Variants in DNAH3 observed in about 807,000 individuals in gnomAD.
DNAH3 encodes the protein axonemal beta dynein heavy chain 3.
In DNAH3, 332 loss-of-function variants were observed where a neutral mutation model predicts 432.5. The ratio of observed to expected loss-of-function variants is 0.77; its 90% CI spans 0.70 to 0.84. The LOEUF (loss-of-function observed/expected upper bound fraction) is 0.84. Among genes scored for constraint, DNAH3 ranks in the 40% least tolerant of loss-of-function variants. The probability of loss-of-function intolerance (pLI) is 0.00; values close to 1 mark genes in which losing one functional copy is unlikely to be tolerated. For synonymous variants in DNAH3, 1,956 were observed against 1,900.2 expected (o/e 1.03, Z -0.76); for missense variants, 4,861 against 5,114.0 (o/e 0.95, Z 1.51).
At chr16:21,142,451 A>C (rs1245872489) in intron 3 of DNAH3, among the ~76,000 whole-genome samples, 1 of 152,212 alleles carries the variant, frequency 6.6e-6, no homozygotes, top group African/African-American at 2.4e-5. Context: ...AAGAAATTTT[A>C]TGATTATCAC....
chr16:21,023,327 G>T (rs2088351996), intron 39 of DNAH3, among the ~76,000 whole-genome samples: 1 of 152,118 alleles, frequency 6.6e-6, no homozygotes, highest in Admixed American at 6.5e-5. Flanking sequence ...GAGGGTCAGG[G>T]AAGACAAACA....
At chr16:21,065,192 GCT>G (rs1294837425) in intron 24 of DNAH3, among the ~76,000 whole-genome samples, 2 of 151,766 alleles carry the variant, frequency 1.3e-5, no homozygotes, top group Non-Finnish European at 2.9e-5. Context: ...AGAGAGTCTC[GCT>G]CTGTCACCCA....
rs780174422 is a variant in DNAH3 at position 20,954,866 on chromosome 16, C to T, written c.11018G>A (p.Gly3673Asp). ...AACAACGGCGTGGAAGAAACAAAGG[C>T]CAAATAACATCTTTTGCCACATCAC... Residue 3673 changes from glycine to aspartate, a missense_variant, in exon 55 of 62, where the codon GGC (glycine) becomes GAC (aspartate). Gly to Asp is a moderately conservative substitution (Grantham distance 94). Coordinates refer to ENST00000261383, the Ensembl canonical transcript of DNAH3. 23 of 1,613,988 alleles carry T rather than the reference C, an allele frequency of 1.4e-5. No homozygotes were observed. The East Asian group carries it at 2.5e-4, about 17-fold the overall frequency.
chr16:21,022,397 G>A (rs1192498118), intron 39 of DNAH3, among the ~76,000 whole-genome samples: 1 of 152,178 alleles, frequency 6.6e-6, no homozygotes, highest in Non-Finnish European at 1.5e-5. Flanking sequence ...TGCATAAAAT[G>A]TGTTTAGAAC....
chr16:20,962,069 G>A (rs1465403088), intron 53 of DNAH3, among the ~76,000 whole-genome samples: 1 of 151,298 alleles, frequency 6.6e-6, no homozygotes, highest in Non-Finnish European at 1.5e-5. Flanking sequence ...GCTGAGGCAT[G>A]AGAATTGCTT....
intron 51 of DNAH3, among the ~76,000 whole-genome samples, chr16:20,974,897 C>T (rs540684461): frequency 6.6e-5 from 10 of 151,480 alleles, no homozygotes; most frequent in South Asian, 4.2e-4. Context: ...CAGCTCACTG[C>T]GACCTCTGCC....
intron 18 of DNAH3, among the ~76,000 whole-genome samples, chr16:21,092,259 G>A (rs990015937): frequency 6.6e-6 from 1 of 152,128 alleles, no homozygotes; most frequent in Non-Finnish European, 1.5e-5. Flanking sequence ...ATTGGCAAAA[G>A]AAAGTCACAT....
intron 41 of DNAH3, among the ~76,000 whole-genome samples, chr16:21,017,824 A>G (rs2087937039): frequency 6.6e-6 from 1 of 152,120 alleles, no homozygotes; most frequent in African/African-American, 2.4e-5. Context: ...TTGCTCATTC[A>G]TTATTTCATT....
intron 12 of DNAH3, among the ~76,000 whole-genome samples, chr16:21,113,988 A>G (rs947765194): frequency 2.0e-5 from 3 of 152,186 alleles, no homozygotes; most frequent in African/African-American, 7.2e-5. Flanking sequence ...GTTTTTTCCT[A>G]TACACATATA....
At position 20,987,724 on chromosome 16, in the gene DNAH3, C is replaced by T. The variant is rs762106467; in HGVS notation, c.6851G>A (p.Gly2284Glu). ...GTGTGTGTGAGGGCACAGCAGGACC[C>T]CTTGAATCACTCGTGAGAAGTCCCG... Residue 2284 changes from glycine (G) to glutamate (E), a missense_variant, in exon 46 of 62, where the codon GGG becomes GAG. Transcript: ENST00000261383. The T allele has an allele frequency of 1.9e-6, 3 of 1,613,920 alleles. No individual in the cohort carries two copies. In the African/African-American group the frequency reaches 4.0e-5, roughly 22 times the overall value.
In DNAH3 at chr16:21,159,386, G is replaced by C. The variant is rs764450266; in HGVS notation, c.56C>G (p.Pro19Arg). 201 of 1,613,996 alleles carry C rather than the reference G, an allele frequency of 1.2e-4. No homozygotes were observed. The highest frequency in any genetic ancestry group is 1.7e-4 in the Non-Finnish European group (195 of 1,180,024). The change falls in exon 1 of 62, where the codon CCA (proline) becomes CGA (arginine). Residue 19 changes from proline to arginine, a missense_variant. Coordinates refer to ENST00000261383, the Ensembl canonical transcript of DNAH3. Reference sequence around the variant, plus strand: ...CCTGGCTTTTGAACGCTGAAAGGCTGGGCCCGGATGGGGAGGGGCGGCCAG... The same window carrying C: ...CCTGGCTTTTGAACGCTGAAAGGCTCGGCCCGGATGGGGAGGGGCGGCCAG...
chr16:21,075,406 G>A, intron 21 of DNAH3, 41 bp downstream of exon 21: 1 of 1,321,076 alleles, frequency 7.6e-7, no homozygotes, highest in Non-Finnish European at 1.1e-6. Flanking sequence ...ATAATAAATG[G>A]GGCTGCTTTC....
chr16:21,057,759 C>T lies in DNAH3; in HGVS notation c.3924+327G>A, dbSNP rs144571303. Among the ~76,000 whole-genome samples, 3 of 152,152 alleles carry T rather than the reference C, an allele frequency of 2.0e-5. No homozygotes were observed. The East Asian group carries it at 5.8e-4, about 29-fold the overall frequency. ...GGAGAAGGAGAGGCAGATGGTGGCC[C>T]CTTGGCTTAGGAAGAATATAGGAGG... On this transcript the variant is annotated intron_variant, in intron 27 of 61. Coordinates refer to ENST00000261383, the Ensembl canonical transcript of DNAH3.
chr16:21,027,034 C>T, exon 38 of DNAH3: 1 of 1,613,508 alleles, frequency 6.2e-7, no homozygotes, highest in Non-Finnish European at 8.5e-7. Context: ...CACCTGCTCA[C>T]AGTGGCTGGA....
chr16:21,041,997 C>T, intron 32 of DNAH3, 30 bp downstream of exon 32: 1 of 1,612,830 alleles, frequency 6.2e-7, no homozygotes, highest in Non-Finnish European at 8.5e-7. Context: ...CTAAAAAGCA[C>T]ACCCCACATG....
At chr16:21,074,513 A>C (rs1254666945) in intron 21 of DNAH3, among the ~76,000 whole-genome samples, 1 of 152,144 alleles carries the variant, frequency 6.6e-6, no homozygotes, top group African/African-American at 2.4e-5. Context: ...CAGGAGTTCA[A>C]GACCAGCCTG....
chr16:20,947,623 T>C (rs78957765), intron 57 of DNAH3, among the ~76,000 whole-genome samples: 2,380 of 152,252 alleles, frequency 0.016, 75 homozygotes, highest in African/African-American at 0.054. Context: ...GTCCACTGCT[T>C]AATGTGTGGG....
intron 48 of DNAH3, among the ~76,000 whole-genome samples, chr16:20,984,527 G>A (rs2086092023): frequency 1.3e-5 from 2 of 152,140 alleles, no homozygotes. Flanking sequence ...TCTGTGCAAG[G>A]GTAATTCTCA....
intron 40 of DNAH3, 152 bp from the exon 41 acceptor site, chr16:21,020,021 C>A (rs1053359210): frequency 1.3e-6 from 1 of 740,980 alleles, no homozygotes; most frequent in Non-Finnish European, 2.1e-6. Context: ...ATTTCACATG[C>A]ATTTTTTTTT....
Sources: gnomAD v4.1 joint callset for allele counts (sites outside exome capture counted in the v4.1 genomes callset) on GRCh38, gnomAD v4.1.1 for gene constraint, MANE v1.5 for transcripts, NCBI Gene and HGNC (gene_info 2026-07-23, HGNC 2026-07-21) for gene names.